UBE2D2: variants seen among roughly 807,000 people sequenced by gnomAD.
The protein encoded by UBE2D2 is ubiquitin-conjugating enzyme E2 D2.
Under a neutral mutation model 24.2 loss-of-function variants are expected in UBE2D2, and 2 were observed. The ratio of observed to expected loss-of-function variants is 0.08; its 90% CI spans 0.03 to 0.26. UBE2D2 has a LOEUF of 0.26. Among genes scored for constraint, UBE2D2 ranks in the 10% least tolerant of loss-of-function variants. The pLI, the probability that UBE2D2 is intolerant of heterozygous loss-of-function variation, is 1.00. For synonymous variants in UBE2D2, 58 were observed against 56.5 expected (o/e 1.03, Z -0.12); for missense variants, 44 against 177.6 (o/e 0.25, Z 4.28).
intron 1 of UBE2D2, among the ~76,000 whole-genome samples, chr5:139,575,442 A>G (rs1753449272): frequency 6.6e-6 from 1 of 152,194 alleles, no homozygotes. Flanking sequence ...AAGCAAAAAA[A>G]GAAAAACCTG....
At chr5:139,550,102 A>C (rs950425929) in intron 1 of UBE2D2, among the ~76,000 whole-genome samples, 1 of 151,186 alleles carries the variant, frequency 6.6e-6, no homozygotes, top group Admixed American at 6.6e-5. Flanking sequence ...GACTTGGAGA[A>C]CCTTTATGTC....
intron 1 of UBE2D2, among the ~76,000 whole-genome samples, chr5:139,540,172 A>G (rs1286354333): frequency 2.0e-5 from 3 of 149,050 alleles, no homozygotes; most frequent in African/African-American, 7.5e-5. Context: ...GCCTGCTTCG[A>G]CCTCCCAAAG....
At chr5:139,622,639 C>T (rs1754533064) in intron 5 of UBE2D2, among the ~76,000 whole-genome samples, 1 of 151,504 alleles carries the variant, frequency 6.6e-6, no homozygotes, top group Non-Finnish European at 1.5e-5. Flanking sequence ...CCTGTAATCC[C>T]AGCACTTTGG....
intron 1 of UBE2D2, chr5:139,562,458 G>A (rs1753131706): frequency 7.8e-7 from 1 of 1,283,206 alleles, no homozygotes; most frequent in Non-Finnish European, 1.0e-6. Flanking sequence ...TTTATTCCTT[G>A]AGGTTGCTGT....
chr5:139,557,323 A>G (rs2126642745), upstream of UBE2D2, among the ~76,000 whole-genome samples: 1 of 150,406 alleles, frequency 6.6e-6, no homozygotes, highest in East Asian at 2.0e-4. Context: ...TTTAGTAGAG[A>G]CATGTTTCAC....
chr5:139,577,404 C>CTTTTTTT (rs869189901), intron 1 of UBE2D2, among the ~76,000 whole-genome samples: 20 of 69,130 alleles, frequency 2.9e-4, no homozygotes, highest in South Asian at 5.8e-4. Flanking sequence ...TAGCATCTCT[C>CTTTTTTT]TTTTTTTTTT....
At chr5:139,585,935 CAAAAAAAAAA>C (rs60277561) in intron 1 of UBE2D2, among the ~76,000 whole-genome samples, 11 of 25,564 alleles carry the variant, frequency 4.3e-4, no homozygotes, top group Non-Finnish European at 1.1e-3. Flanking sequence ...GACTCTGTCT[CAAAAAAAAAA>C]AAAAAAAAAA....
chr5:139,586,306 T>G (rs968674583), intron 1 of UBE2D2, among the ~76,000 whole-genome samples: 6 of 152,120 alleles, frequency 3.9e-5, no homozygotes, highest in African/African-American at 1.4e-4. Flanking sequence ...AAATAACTTA[T>G]AAGATGGAAC....
At chr5:139,544,112 A>T (rs1752790595) in intron 1 of UBE2D2, among the ~76,000 whole-genome samples, 1 of 152,028 alleles carries the variant, frequency 6.6e-6, no homozygotes, top group Admixed American at 6.6e-5. Context: ...AGGGATAACT[A>T]AGTAACTGCT....
chr5:139,552,494 T>C (rs1379946137), intron 1 of UBE2D2, among the ~76,000 whole-genome samples: 1 of 142,434 alleles, frequency 7.0e-6, no homozygotes, highest in East Asian at 2.0e-4. Context: ...TTTTTTTGTT[T>C]CTTTTTTCTT....
chr5:139,603,652 G>C (rs1166201210), intron 2 of UBE2D2, among the ~76,000 whole-genome samples: 2 of 147,740 alleles, frequency 1.4e-5, no homozygotes, highest in East Asian at 4.1e-4. Flanking sequence ...AAAAAGGCTG[G>C]GTGTGGTGTC....
intron 1 of UBE2D2, among the ~76,000 whole-genome samples, chr5:139,531,112 A>G (rs1752592096): frequency 6.6e-6 from 1 of 152,228 alleles, no homozygotes; most frequent in Non-Finnish European, 1.5e-5. Context: ...ACCCTCTCAT[A>G]TTGTTTTATA....
chr5:139,530,848 T>C (rs1752589718), intron 1 of UBE2D2, among the ~76,000 whole-genome samples: 1 of 152,158 alleles, frequency 6.6e-6, no homozygotes, highest in Admixed American at 6.5e-5. Flanking sequence ...ATAGGAAAAT[T>C]TAAAACTCTT....
intron 1 of UBE2D2, among the ~76,000 whole-genome samples, chr5:139,567,164 A>G (rs1016858102): frequency 6.6e-6 from 1 of 152,098 alleles, no homozygotes; most frequent in Non-Finnish European, 1.5e-5. Flanking sequence ...CAGTGGCATG[A>G]TCTCGGCTCA....
In UBE2D2 at chr5:139,561,707, G is replaced by T; in HGVS notation, c.-85G>T. 9.0e-7 allele frequency: 1 copy of T among 1,107,032 alleles called. No individual in the cohort carries two copies. Among genetic ancestry groups the T allele is most frequent in the South Asian group, 1.7e-5 (1 of 60,264 alleles). 68.6% of individuals were successfully genotyped at this position (1,107,032 alleles called of 1,614,324 possible). A position where few individuals can be genotyped will look rare whatever the true frequency, so the allele number is the denominator to read the frequency against. On this transcript the variant is annotated 5_prime_UTR_variant, in exon 1 of 7. It adds an upstream start codon to the 5' untranslated region. Coordinates refer to ENST00000398733, the MANE Select transcript of UBE2D2 (RefSeq NM_003339.3). ...TTCTCCTGCCGACCGAGATCGCCGA[G>T]GCGGCCTCAGGCTCCCTAGCCCCTT...
chr5:139,570,275 C>G (rs777354306), intron 1 of UBE2D2, among the ~76,000 whole-genome samples: 1 of 151,896 alleles, frequency 6.6e-6, no homozygotes. Flanking sequence ...TGTGTCAAAA[C>G]AACAACAACA....
intron 5 of UBE2D2, among the ~76,000 whole-genome samples, chr5:139,621,498 G>A (rs371574723): frequency 1.3e-5 from 2 of 152,312 alleles, no homozygotes; most frequent in African/African-American, 4.8e-5. Context: ...GATTTAGACT[G>A]AATTGTTTTC....
chr5:139,562,666 G>A lies in UBE2D2; in HGVS notation c.24+851G>A, dbSNP rs983269261. Among the ~76,000 whole-genome samples the A allele has an allele frequency of 2.6e-5, 4 of 151,982 alleles. No homozygotes were observed. In the South Asian group the frequency reaches 6.2e-4, roughly 24 times the overall value. ...TTACCGAGACTCTTAACTGGGAAGG[G>A]GTTTTACTAGATTTTGTATTAAAAA... On this transcript the variant is annotated intron_variant, in intron 1 of 6. Transcript: ENST00000398733.
intron 1 of UBE2D2, among the ~76,000 whole-genome samples, chr5:139,568,168 A>AC (rs1753278880): frequency 6.6e-6 from 1 of 151,214 alleles, no homozygotes; most frequent in Non-Finnish European, 1.5e-5. Context: ...ATATGGTGAA[A>AC]CCCTGTCTCT....
Sources: gnomAD v4.1 joint callset for allele counts (sites outside exome capture counted in the v4.1 genomes callset) on GRCh38, gnomAD v4.1.1 for gene constraint, MANE v1.5 for transcripts, NCBI Gene and HGNC (gene_info 2026-07-23, HGNC 2026-07-21) for gene names.